The following NEK10 variants were observed in gnomAD, a reference collection of about 807,000 sequenced individuals.
NEK10 encodes NIMA related kinase 10.
NEK10 carries 122 observed loss-of-function variants against 159.8 expected under a neutral mutation model. That is an observed-to-expected ratio of 0.76 (90% confidence interval 0.66 to 0.89). The LOEUF is 0.89. Ranked by LOEUF, NEK10 falls within the 40% of genes least tolerant of loss-of-function variation. NEK10 has a pLI of 0.00. For missense variants in NEK10, 1,342 were observed against 1,323.1 expected, an observed-to-expected ratio of 1.01 and a Z score of -0.22; for synonymous variants, 466 against 457.1, an observed-to-expected ratio of 1.02 and a Z score of -0.25.
At chr3:27,120,655 G>A (rs577861973) in intron 32 of NEK10, among the ~76,000 whole-genome samples, 18 of 152,054 alleles carry the variant, frequency 1.2e-4, no homozygotes, top group East Asian at 3.9e-4. Context: ...TACATTTTTC[G>A]AAATTACTAT....
chr3:27,163,472 C>T (rs1946206782), intron 29 of NEK10, among the ~76,000 whole-genome samples: 2 of 152,236 alleles, frequency 1.3e-5, no homozygotes, highest in Admixed American at 6.5e-5. Context: ...CTGCCTCAGC[C>T]TCCCGAGTAG....
chr3:27,169,340 TGTG>T lies in NEK10; in HGVS notation c.2831+2476_2831+2478del, dbSNP rs534686142. Among the ~76,000 whole-genome samples the T allele has an allele frequency of 3.2e-3, 484 of 152,296 alleles. 5 individuals carry two copies. The highest frequency in any genetic ancestry group is 9.9e-3 in the African/African-American group (413 of 41,582). On this transcript the variant is annotated intron_variant, in intron 29 of 35. Transcript: ENST00000691995. ...ATCTCCAGTCCCCACAAACACCCAC[TGTG>T]GTTCTCTTTGGCATTTTGGAGTACT...
intron 5 of NEK10, among the ~76,000 whole-genome samples, chr3:27,335,730 A>G (rs1419550521): frequency 6.6e-6 from 1 of 152,238 alleles, no homozygotes; most frequent in Non-Finnish European, 1.5e-5. Flanking sequence ...CTACACAAAT[A>G]CATGGAAATT....
chr3:27,345,007 C>A (rs2047454283), intron 4 of NEK10, among the ~76,000 whole-genome samples: 1 of 152,094 alleles, frequency 6.6e-6, no homozygotes, highest in Non-Finnish European at 1.5e-5. Flanking sequence ...GTTAAAAATA[C>A]CTCTAAAACA....
chr3:27,202,694 T>C, intron 23 of NEK10, 137 bp from the exon 24 acceptor site: 1 of 1,186,892 alleles, frequency 8.4e-7, no homozygotes, highest in Non-Finnish European at 1.1e-6. Context: ...GGAAAGGATA[T>C]CAAAAAGTCT....
At chr3:27,144,659 A>G (rs1442927381) in intron 30 of NEK10, among the ~76,000 whole-genome samples, 2 of 152,158 alleles carry the variant, frequency 1.3e-5, no homozygotes, top group African/African-American at 2.4e-5. Context: ...GCTTGTATCC[A>G]TAGTTCTTTG....
At chr3:27,248,627 A>G (rs1955338637) in intron 23 of NEK10, among the ~76,000 whole-genome samples, 1 of 152,130 alleles carries the variant, frequency 6.6e-6, no homozygotes. Flanking sequence ...GTCATTCAGG[A>G]GCATACTGTT....
intron 32 of NEK10, 57 bp from the exon 33 acceptor site, chr3:27,119,925 A>G: frequency 7.6e-7 from 1 of 1,313,056 alleles, no homozygotes; most frequent in Non-Finnish European, 1.1e-6. Context: ...AAATGGCAGG[A>G]GACCTCTGTG....
At chr3:27,330,414 G>T (rs1434452159) in intron 5 of NEK10, among the ~76,000 whole-genome samples, 1 of 152,122 alleles carries the variant, frequency 6.6e-6, no homozygotes, top group African/African-American at 2.4e-5. Flanking sequence ...TGTTTAAAAA[G>T]TTCTACTCTG....
chr3:27,141,385 A>G (rs1232622815), intron 31 of NEK10, 97 bp downstream of exon 31: 1 of 869,538 alleles, frequency 1.2e-6, no homozygotes, highest in Non-Finnish European at 1.8e-6. Context: ...GATAAGAACA[A>G]GAATTCAATC....
At chr3:27,250,977 C>G (rs1332496623) in intron 23 of NEK10, among the ~76,000 whole-genome samples, 2 of 152,148 alleles carry the variant, frequency 1.3e-5, no homozygotes, top group Non-Finnish European at 2.9e-5. Flanking sequence ...TGAGTACTAT[C>G]CTTTCAAACT....
At chr3:27,279,985 T>C (rs1472817838) in intron 22 of NEK10, among the ~76,000 whole-genome samples, 1 of 150,934 alleles carries the variant, frequency 6.6e-6, no homozygotes, top group Admixed American at 6.6e-5. Flanking sequence ...CTGGCCAACA[T>C]GGTGAAACCC....
At chr3:27,204,275 C>CTTTTTT (rs1203026508) in intron 23 of NEK10, among the ~76,000 whole-genome samples, 73 of 62,870 alleles carry the variant, frequency 1.2e-3, no homozygotes, top group East Asian at 1.9e-3. Flanking sequence ...GATAAATTTT[C>CTTTTTT]TTTTTTTTTT....
chr3:27,132,239 T>C (rs941484665), intron 31 of NEK10, among the ~76,000 whole-genome samples: 2 of 152,246 alleles, frequency 1.3e-5, no homozygotes, highest in East Asian at 1.9e-4. Flanking sequence ...TTGATTGATA[T>C]TATTTTTCAT....
intron 1 of NEK10, among the ~76,000 whole-genome samples, chr3:27,366,446 C>T (rs944404022): frequency 6.6e-6 from 1 of 152,220 alleles, no homozygotes; most frequent in African/African-American, 2.4e-5. Flanking sequence ...TCCTCTCTGC[C>T]TATCCAAGTG....
At chr3:27,228,138 A>G (rs1952830054) in intron 23 of NEK10, among the ~76,000 whole-genome samples, 1 of 152,226 alleles carries the variant, frequency 6.6e-6, no homozygotes, top group East Asian at 1.9e-4. Flanking sequence ...GCTACTAAGA[A>G]AAACTTTCTG....
At chr3:27,158,378 A>C (rs1945703494) in intron 30 of NEK10, among the ~76,000 whole-genome samples, 1 of 152,194 alleles carries the variant, frequency 6.6e-6, no homozygotes, top group African/African-American at 2.4e-5. Flanking sequence ...GATGAGTTTT[A>C]AGTACTTTAT....
In NEK10 at chr3:27,279,056, G is replaced by C. The variant is rs139626819; in HGVS notation, c.2014+5546C>G. ...TTAGACTTAAAAATATATAGCATTT[G>C]CAAAACCAAGCATAGCAGAATATGT... On this transcript the variant is annotated intron_variant, in intron 22 of 35. Transcript: ENST00000691995. 186 of 318,864 alleles carry C rather than the reference G, an allele frequency of 5.8e-4. 2 individuals are homozygous for C. Among genetic ancestry groups the C allele is most frequent in the African/African-American group, 3.8e-3 (168 of 44,726 alleles). 19.8% of individuals were successfully genotyped at this position (318,864 alleles called of 1,614,324 possible).
intron 22 of NEK10, among the ~76,000 whole-genome samples, chr3:27,266,705 C>T (rs1275015541): frequency 1.3e-5 from 2 of 152,186 alleles, no homozygotes; most frequent in African/African-American, 4.8e-5. Flanking sequence ...TGGAGCTGGA[C>T]CTTGATAATG....
Sources: allele counts gnomAD v4.1 joint callset (sites outside exome capture counted in the v4.1 genomes callset), GRCh38; gene constraint gnomAD v4.1.1; transcripts MANE v1.5; gene names NCBI Gene and HGNC (gene_info 2026-07-23, HGNC 2026-07-21).